GABRG1: variants seen among roughly 807,000 people sequenced by gnomAD.
GABRG1 encodes gamma-aminobutyric acid type A receptor subunit gamma1.
In GABRG1, 49 loss-of-function variants were observed where a neutral mutation model predicts 49.8. That is an observed-to-expected ratio of 0.98 (90% CI 0.78 to 1.25). The LOEUF is 1.25. GABRG1 is among the 50% of genes most tolerant of loss of function. The pLI is 0.00. For synonymous variants in GABRG1, 232 were observed against 185.1 expected (o/e 1.25, Z -2.06); for missense variants, 552 against 552.3 (o/e 1.00, Z 0.01).
At chr4:46,054,163 T>C (rs1718352582) in intron 7 of GABRG1, among the ~76,000 whole-genome samples, 2 of 44,126 alleles carry the variant, frequency 4.5e-5, no homozygotes, top group Non-Finnish European at 8.3e-5. Context: ...GTTGTAGATA[T>C]GCGGCATTAT....
chr4:46,091,221 C>G (rs976980693), intron 2 of GABRG1, among the ~76,000 whole-genome samples: 1 of 151,954 alleles, frequency 6.6e-6, no homozygotes, highest in African/African-American at 2.4e-5. Flanking sequence ...TGGTCTTAGG[C>G]AAAATAAAAG....
intron 1 of GABRG1, among the ~76,000 whole-genome samples, chr4:46,118,217 A>C (rs1237490103): frequency 6.8e-6 from 1 of 147,804 alleles, no homozygotes; most frequent in Non-Finnish European, 1.5e-5. Flanking sequence ...CCCTTTCCTC[A>C]GATGTAAGGA....
At chr4:46,096,008 A>T (rs959255650) in intron 2 of GABRG1, among the ~76,000 whole-genome samples, 4 of 151,596 alleles carry the variant, frequency 2.6e-5, no homozygotes, top group Admixed American at 6.6e-5. Context: ...TTCCTTTCTT[A>T]GTGTTCATGA....
intron 3 of GABRG1, 34 bp downstream of exon 3, chr4:46,083,952 G>C (rs368927907): frequency 4.6e-5 from 53 of 1,149,636 alleles, no homozygotes; most frequent in Non-Finnish European, 6.5e-5. Flanking sequence ...AGAGATCTCT[G>C]TGGCAGTTAT....
intron 1 of GABRG1, among the ~76,000 whole-genome samples, chr4:46,105,775 T>A (rs918805356): frequency 7.3e-6 from 1 of 136,100 alleles, no homozygotes; most frequent in African/African-American, 2.8e-5. Flanking sequence ...GATAGATGGA[T>A]GGATGGGTAG....
intron 8 of GABRG1, among the ~76,000 whole-genome samples, chr4:46,048,415 G>GAAGC: frequency 7.0e-6 from 1 of 143,822 alleles, no homozygotes; most frequent in Non-Finnish European, 1.5e-5. Context: ...AGGAAGGAAG[G>GAAGC]AAGGAAGGTT....
chr4:46,088,466 T>C (rs1719862293), intron 2 of GABRG1, among the ~76,000 whole-genome samples: 1 of 151,958 alleles, frequency 6.6e-6, no homozygotes, highest in Admixed American at 6.6e-5. Flanking sequence ...TTTTACAAAA[T>C]GTTGTACACC....
chr4:46,087,998 T>C (rs938235025), intron 2 of GABRG1, among the ~76,000 whole-genome samples: 1 of 152,080 alleles, frequency 6.6e-6, no homozygotes, highest in Admixed American at 6.6e-5. Context: ...ATAAAAATAT[T>C]TCTTAACCAC....
intron 1 of GABRG1, 33 bp downstream of exon 1, chr4:46,123,777 A>G (rs1310559049): frequency 1.3e-6 from 2 of 1,493,954 alleles, no homozygotes; most frequent in East Asian, 2.3e-5. Flanking sequence ...GGTAGATAGC[A>G]AAGAATAGTT....
At chr4:46,102,062 A>G (rs1458735607) in intron 1 of GABRG1, among the ~76,000 whole-genome samples, 2 of 151,720 alleles carry the variant, frequency 1.3e-5, no homozygotes, top group African/African-American at 4.8e-5. Flanking sequence ...ATGCCTACCT[A>G]AGAATGAACT....
chr4:46,087,189 CTT>C, intron 2 of GABRG1, among the ~76,000 whole-genome samples: 1 of 151,282 alleles, frequency 6.6e-6, no homozygotes, highest in Non-Finnish European at 1.5e-5. Flanking sequence ...TTGTGTAAGA[CTT>C]ATAGTAGTTC....
chr4:46,067,166 T>C (rs1244466483), intron 3 of GABRG1, among the ~76,000 whole-genome samples: 1 of 151,952 alleles, frequency 6.6e-6, no homozygotes, highest in Non-Finnish European at 1.5e-5. Context: ...ATTCAACTTA[T>C]TTATAGGGAA....
chr4:46,056,309 T>C (rs1718447994), intron 7 of GABRG1, among the ~76,000 whole-genome samples: 1 of 151,940 alleles, frequency 6.6e-6, no homozygotes, highest in Admixed American at 6.6e-5. Context: ...CCAACCACAT[T>C]TGTCATTTTT....
intron 1 of GABRG1, among the ~76,000 whole-genome samples, chr4:46,100,164 T>A (rs1720332550): frequency 6.6e-6 from 1 of 151,782 alleles, no homozygotes; most frequent in Non-Finnish European, 1.5e-5. Flanking sequence ...ATGATTTCCT[T>A]CAAATAATTT....
chr4:46,049,901 A>G (rs1718149320), intron 8 of GABRG1, among the ~76,000 whole-genome samples: 1 of 152,026 alleles, frequency 6.6e-6, no homozygotes, highest in Middle Eastern at 3.4e-3. Context: ...ATTTATTCTT[A>G]GAATGAAATT....
chr4:46,115,714 C>CA (rs893592043), intron 1 of GABRG1, among the ~76,000 whole-genome samples: 31 of 150,702 alleles, frequency 2.1e-4, no homozygotes, highest in African/African-American at 7.3e-4. Flanking sequence ...TAGATCTCTT[C>CA]AAAATTACAT....
chr4:46,058,340 C>G lies in GABRG1; in HGVS notation c.793G>C (p.Asp265His). 1 of 1,604,476 alleles carries G rather than the reference C, an allele frequency of 6.2e-7. No homozygotes were observed. Among genetic ancestry groups the G allele is most frequent in the Non-Finnish European group, 8.5e-7 (1 of 1,176,060 alleles). ...AAATATCCCATTCTTCTGCTCAGGTCAAAAAAAATTGTCATGATAACATAA... is the reference window on the plus strand; with the variant it reads ...AAATATCCCATTCTTCTGCTCAGGTGAAAAAAAATTGTCATGATAACATAA... ...GDYVIMTIFFDLSRRMGYFTI... is the reference protein window; with the variant it reads ...GDYVIMTIFFHLSRRMGYFTI... Residue 265 changes from aspartate to histidine, a missense_variant, in exon 7 of 9, where the codon GAC (aspartate) becomes CAC (histidine). Physicochemically the swap from Asp to His is moderately conservative, Grantham distance 81 (BLOSUM62 -1). Transcript: ENST00000295452.
intron 1 of GABRG1, among the ~76,000 whole-genome samples, chr4:46,098,441 T>C (rs1720262000): frequency 6.6e-6 from 1 of 151,746 alleles, no homozygotes; most frequent in African/African-American, 2.4e-5. Context: ...TATTCACATA[T>C]ATTTCAAAGA....
At chr4:46,120,875 T>C (rs1034334128) in intron 1 of GABRG1, among the ~76,000 whole-genome samples, 3 of 151,782 alleles carry the variant, frequency 2.0e-5, no homozygotes, top group Non-Finnish European at 4.4e-5. Flanking sequence ...GTAGGTTACT[T>C]TTGGTAACAG....
Sources: gnomAD v4.1 joint callset for allele counts (sites outside exome capture counted in the v4.1 genomes callset) on GRCh38, gnomAD v4.1.1 for gene constraint, MANE v1.5 for transcripts, NCBI Gene and HGNC (gene_info 2026-07-23, HGNC 2026-07-21) for gene names.